PLD5: variants seen among roughly 807,000 people sequenced by gnomAD.
The protein encoded by PLD5 is phospholipase D family member 5.
Under a neutral mutation model 61.1 loss-of-function variants are expected in PLD5, and 36 were observed. The observed-to-expected ratio is 0.59, with a 90% CI of 0.45 to 0.78. The LOEUF is 0.78. Among genes scored for constraint, PLD5 ranks in the 30% least tolerant of loss-of-function variants. PLD5 has a pLI of 0.00. For synonymous variants in PLD5, 243 were observed against 242.8 expected (o/e 1.00, Z -0.01); for missense variants, 515 against 644.4 (o/e 0.80, Z 2.17).
chr1:242,343,712 A>G (rs1384930574), intron 2 of PLD5, among the ~76,000 whole-genome samples: 2 of 151,840 alleles, frequency 1.3e-5, no homozygotes, highest in Non-Finnish European at 2.9e-5. Context: ...CCTGAGGACA[A>G]GGATGGGTAA....
At chr1:242,155,244 C>G (rs1665262352) in intron 5 of PLD5, among the ~76,000 whole-genome samples, 1 of 151,850 alleles carries the variant, frequency 6.6e-6, no homozygotes, top group African/African-American at 2.4e-5. Context: ...CTCTTTTCTG[C>G]TTTATTAGTC....
intron 1 of PLD5, among the ~76,000 whole-genome samples, chr1:242,376,460 C>T (rs1033795583): frequency 5.3e-5 from 8 of 152,148 alleles, no homozygotes; most frequent in South Asian, 4.1e-4. Context: ...CAATTACTTA[C>T]TATTTATGTA....
At chr1:242,295,036 A>G (rs998450492) in intron 2 of PLD5, among the ~76,000 whole-genome samples, 1 of 152,226 alleles carries the variant, frequency 6.6e-6, no homozygotes, top group African/African-American at 2.4e-5. Context: ...TTCTGGTCAC[A>G]TTAATGAAGG....
At chr1:242,450,414 A>C (rs1397986522) in intron 1 of PLD5, among the ~76,000 whole-genome samples, 1 of 152,146 alleles carries the variant, frequency 6.6e-6, no homozygotes, top group Non-Finnish European at 1.5e-5. Context: ...TAATACATTG[A>C]TTTCCCATTA....
intron 1 of PLD5, among the ~76,000 whole-genome samples, chr1:242,400,393 C>T (rs1159276080): frequency 6.6e-6 from 1 of 151,796 alleles, no homozygotes; most frequent in Non-Finnish European, 1.5e-5. Flanking sequence ...TAAGGAAGGA[C>T]AAAAATGAAG....
rs1388865455 is a variant in PLD5, at chr1:242,207,826, ATATATATT to A, written c.735+12154_735+12161del. ...TATATATATTTATATTTATATATTTATATATATTTATATATTTATATATATTTATATAT... is the reference window on the plus strand; with the variant it reads ...TATATATATTTATATTTATATATTTATATATATTTATATATATTTATATAT... On this transcript the variant is annotated intron_variant, in intron 5 of 9. Transcript: ENST00000536534. Among the ~76,000 whole-genome samples, 3 of 46,772 alleles carry A rather than the reference ATATATATT, an allele frequency of 6.4e-5. 1 individual carries two copies. Among genetic ancestry groups the A allele is most frequent in the African/African-American group, 2.3e-4 (2 of 8,794 alleles). The allele number at this position is 46,772 out of a possible 152,430, so 30.7% of individuals were successfully genotyped here.
chr1:242,227,149 ATAGAT>A (rs1479045577), intron 4 of PLD5, among the ~76,000 whole-genome samples: 5 of 152,032 alleles, frequency 3.3e-5, no homozygotes, highest in Non-Finnish European at 7.4e-5. Flanking sequence ...TATCTCATCT[ATAGAT>A]TATTCTTTTT....
chr1:242,115,182 GAAAAA>G (rs1558236370), intron 6 of PLD5, among the ~76,000 whole-genome samples: 1 of 147,962 alleles, frequency 6.8e-6, no homozygotes, highest in African/African-American at 2.6e-5. Context: ...TGTCTGAAAA[GAAAAA>G]AGAAAAAAAA....
chr1:242,299,106 T>C (rs1385776199), intron 2 of PLD5, among the ~76,000 whole-genome samples: 1 of 151,598 alleles, frequency 6.6e-6, no homozygotes, highest in Non-Finnish European at 1.5e-5. Flanking sequence ...TTATTACCTC[T>C]ATTACATTAA....
At chr1:242,377,283 G>A in intron 1 of PLD5, 6 of 1,609,022 alleles carry the variant, frequency 3.7e-6, no homozygotes, top group South Asian at 2.2e-5. Context: ...GTTTTCAGTG[G>A]TGAAGCCACA....
chr1:242,187,165 G>A (rs1266694520), intron 5 of PLD5, among the ~76,000 whole-genome samples: 1 of 152,170 alleles, frequency 6.6e-6, no homozygotes, highest in African/African-American at 2.4e-5. Context: ...GTGCCTAGGG[G>A]ACCCCCATTC....
At chr1:242,160,572 A>C (rs529062705) in intron 5 of PLD5, among the ~76,000 whole-genome samples, 1 of 152,284 alleles carries the variant, frequency 6.6e-6, no homozygotes, top group African/African-American at 2.4e-5. Flanking sequence ...GATTTTATAG[A>C]TAACTTTATT....
chr1:242,393,597 T>C (rs1663105975), intron 1 of PLD5, among the ~76,000 whole-genome samples: 2 of 97,554 alleles, frequency 2.1e-5, no homozygotes, highest in South Asian at 8.1e-4. Context: ...CATATGTGTA[T>C]ATATATGAGC....
At chr1:242,200,940 A>G (rs1051178722) in intron 5 of PLD5, among the ~76,000 whole-genome samples, 1 of 152,244 alleles carries the variant, frequency 6.6e-6, no homozygotes, top group Admixed American at 6.5e-5. Context: ...GATTTCTCCC[A>G]CAGGCTTCTG....
chr1:242,105,265 C>T (rs914839551), intron 8 of PLD5, among the ~76,000 whole-genome samples: 15 of 151,656 alleles, frequency 9.9e-5, no homozygotes, highest in Non-Finnish European at 2.9e-5. Context: ...GCTCTGTCTC[C>T]CGGGCTGGAA....
At chr1:242,452,955 G>T (rs1666835072) in intron 1 of PLD5, among the ~76,000 whole-genome samples, 1 of 152,192 alleles carries the variant, frequency 6.6e-6, no homozygotes, top group Non-Finnish European at 1.5e-5. Context: ...ATGCTCAGCG[G>T]AAGGCTATTC....
At chr1:242,252,942 G>C (rs1430293113) in intron 4 of PLD5, among the ~76,000 whole-genome samples, 1 of 148,456 alleles carries the variant, frequency 6.7e-6, no homozygotes, top group Admixed American at 6.8e-5. Flanking sequence ...TCAGCCTCCC[G>C]AGTAGCTGGG....
intron 9 of PLD5, among the ~76,000 whole-genome samples, chr1:242,093,242 A>C (rs1022382890): frequency 7.9e-5 from 12 of 152,120 alleles, no homozygotes; most frequent in African/African-American, 2.9e-4. Context: ...TGCCAGGTAA[A>C]TACAGGACTG....
At chr1:242,230,061 G>T (rs1407891765) in intron 4 of PLD5, among the ~76,000 whole-genome samples, 2 of 152,072 alleles carry the variant, frequency 1.3e-5, no homozygotes, top group Non-Finnish European at 2.9e-5. Flanking sequence ...GTCGGTAGAG[G>T]CCAGAGATGC....
Sources: allele counts gnomAD v4.1 joint callset (sites outside exome capture counted in the v4.1 genomes callset), GRCh38; gene constraint gnomAD v4.1.1; transcripts MANE v1.5; gene names NCBI Gene and HGNC (gene_info 2026-07-23, HGNC 2026-07-21).